CHM: variants seen among roughly 807,000 people sequenced by gnomAD.
CHM encodes the protein CHM Rab escort protein.
CHM carries 10 observed loss-of-function variants against 49.0 expected under a neutral mutation model. That is an observed-to-expected ratio of 0.20 (90% CI 0.13 to 0.35). The LOEUF (loss-of-function observed/expected upper bound fraction) is 0.35, where lower values mean the gene tolerates loss of function less well. CHM is among the 10% of genes least tolerant of loss of function. The pLI, the probability that CHM is intolerant of heterozygous loss-of-function variation, is 1.00. For missense variants in CHM, 455 were observed against 478.4 expected, an observed-to-expected ratio of 0.95 and a Z score of 0.46; for synonymous variants, 184 against 167.5, an observed-to-expected ratio of 1.10 and a Z score of -0.76.
chrX:86,014,213 T>A (rs1421301140), intron 2 of CHM, among the ~76,000 whole-genome samples: 1 of 111,831 alleles, frequency 8.9e-6, no homozygotes, highest in Non-Finnish European at 1.9e-5. Context: ...TTTCTAAGAA[T>A]TTCCAAAAGG....
chrX:86,005,173 T>C (rs986347070), intron 2 of CHM, among the ~76,000 whole-genome samples: 1 of 111,657 alleles, frequency 9.0e-6, no homozygotes, highest in African/African-American at 3.3e-5. Flanking sequence ...ACTGGGTACA[T>C]AACAAAATGA....
intron 2 of CHM, among the ~76,000 whole-genome samples, chrX:85,986,034 G>A (rs761324285): frequency 2.7e-5 from 3 of 111,120 alleles, no homozygotes; most frequent in African/African-American, 6.6e-5. Context: ...TTGGACTAAC[G>A]AAGAAGCAAA....
intron 1 of CHM, among the ~76,000 whole-genome samples, chrX:86,040,203 G>A (rs1019752378): frequency 2.6e-4 from 29 of 112,189 alleles, no homozygotes; most frequent in Non-Finnish European, 4.7e-4. Flanking sequence ...TCCCTCTGGA[G>A]CTTCAGGGGT....
intron 13 of CHM, among the ~76,000 whole-genome samples, chrX:85,875,187 G>A (rs917667586): frequency 8.9e-6 from 1 of 111,896 alleles, no homozygotes; most frequent in Non-Finnish European, 1.9e-5. Flanking sequence ...ATCAGGCTTT[G>A]ACCTTAAAAC....
chrX:85,865,515 G>C (rs1234668351), intron 14 of CHM, among the ~76,000 whole-genome samples: 1 of 111,498 alleles, frequency 9.0e-6, no homozygotes, highest in Non-Finnish European at 1.9e-5. Flanking sequence ...ATTGAGAATT[G>C]GTACCAGGAG....
At chrX:85,869,781 C>T (rs1172690180) in intron 14 of CHM, among the ~76,000 whole-genome samples, 1 of 112,040 alleles carries the variant, frequency 8.9e-6, no homozygotes, top group African/African-American at 3.2e-5. Flanking sequence ...ACTTTTCATC[C>T]TCTTCACCTT....
chrX:86,002,957 A>G (rs1932774400), intron 2 of CHM, among the ~76,000 whole-genome samples: 2 of 112,278 alleles, frequency 1.8e-5, no homozygotes, highest in South Asian at 3.7e-4. Context: ...ACCCCCGTGT[A>G]GCCTAACTGG....
At chrX:85,933,080 T>C (rs2148196599) in intron 8 of CHM, among the ~76,000 whole-genome samples, 1 of 111,123 alleles carries the variant, frequency 9.0e-6, no homozygotes, top group East Asian at 2.8e-4. Context: ...CACAGTGGTG[T>C]GCTTGTAGTC....
At chrX:85,989,126 G>A (rs1932057580) in intron 2 of CHM, among the ~76,000 whole-genome samples, 1 of 111,864 alleles carries the variant, frequency 8.9e-6, no homozygotes, top group Non-Finnish European at 1.9e-5. Flanking sequence ...GACCAAAACA[G>A]TATGGTACTG....
At chrX:85,917,733 TA>T (rs545674161) in intron 8 of CHM, among the ~76,000 whole-genome samples, 2 of 91,184 alleles carry the variant, frequency 2.2e-5, no homozygotes, top group African/African-American at 4.1e-5. Context: ...CTTCTGGAAA[TA>T]AAAAAAAATC....
At chrX:86,036,880 A>T (rs1313525525) in intron 1 of CHM, among the ~76,000 whole-genome samples, 2 of 111,030 alleles carry the variant, frequency 1.8e-5, no homozygotes, top group Non-Finnish European at 3.8e-5. Context: ...ATGAGTTGAT[A>T]ACTGTTGAAA....
At chrX:85,951,423 T>C (rs1486200855) in intron 8 of CHM, among the ~76,000 whole-genome samples, 1 of 110,971 alleles carries the variant, frequency 9.0e-6, no homozygotes, top group African/African-American at 3.3e-5. Flanking sequence ...CTTGTCTCTA[T>C]ACTTCAGGTA....
Position 85,963,788 on chromosome X carries a change from T to C in CHM, c.579A>G (p.Ala193=). The C allele has an allele frequency of 8.3e-7, 1 of 1,212,110 alleles. No homozygotes were observed. The highest frequency in any genetic ancestry group is 1.8e-5 in the South Asian group (1 of 57,006). Residue 193 remains alanine (A), a synonymous_variant, in exon 5 of 15, where the codon GCA becomes GCG. Transcript: ENST00000357749. ...DDKTCVPSTS[A]EDMSENVPIA... ...TAGGCACATTTTCACTCATGTCTTC[T>C]GCTGAAGTTGATGGCACACAAGTTT...
intron 8 of CHM, among the ~76,000 whole-genome samples, chrX:85,926,583 A>C (rs1314498222): frequency 9.0e-6 from 1 of 111,505 alleles, no homozygotes; most frequent in African/African-American, 3.3e-5. Context: ...GAAGGAAAAA[A>C]AAAGAAAAAA....
chrX:85,889,813 C>T (rs748864179), intron 12 of CHM, among the ~76,000 whole-genome samples: 37 of 111,891 alleles, frequency 3.3e-4, no homozygotes, highest in African/African-American at 1.1e-3. Flanking sequence ...TGCCAATCAA[C>T]GGTGGACTGG....
intron 11 of CHM, among the ~76,000 whole-genome samples, chrX:85,897,556 G>C (rs750811770): frequency 4.5e-5 from 5 of 110,306 alleles, no homozygotes; most frequent in African/African-American, 1.7e-4. Context: ...TACTGCGCGT[G>C]GTGGACAGCC....
rs752576836 is a variant in CHM, at chrX:85,957,846, A to G, written c.940+9T>C. 1 of 1,201,552 alleles carries G rather than the reference A, an allele frequency of 8.3e-7. No homozygotes were observed. The highest frequency in any genetic ancestry group is 1.8e-5 in the South Asian group (1 of 55,657). ...ATAATTGGAGAGCACTACTTAATGA[A>G]AAAAATACCTTTATATTCATCAGGA... On this transcript the variant is annotated intron_variant, in intron 7 of 14. Coordinates refer to ENST00000357749, the MANE Select transcript of CHM (RefSeq NM_000390.4).
chrX:85,935,549 C>A (rs1403842480), intron 8 of CHM, among the ~76,000 whole-genome samples: 1 of 111,799 alleles, frequency 8.9e-6, no homozygotes, highest in Non-Finnish European at 1.9e-5. Context: ...TCCTAGGCTA[C>A]AAACCTGTGC....
At chrX:86,036,705 C>T (rs950420239) in intron 1 of CHM, among the ~76,000 whole-genome samples, 1 of 111,704 alleles carries the variant, frequency 9.0e-6, no homozygotes, top group Non-Finnish European at 1.9e-5. Flanking sequence ...ATGTTAATGC[C>T]AGAGTCAGAC....
Sources: gnomAD v4.1 joint callset for allele counts (sites outside exome capture counted in the v4.1 genomes callset) on GRCh38, gnomAD v4.1.1 for gene constraint, MANE v1.5 for transcripts, NCBI Gene and HGNC (gene_info 2026-07-23, HGNC 2026-07-21) for gene names.